The following MLKL variants were observed in gnomAD, a reference collection of about 807,000 sequenced individuals.
MLKL encodes mixed lineage kinase domain-like protein.
MLKL carries 55 observed loss-of-function variants against 56.5 expected under a neutral mutation model. The observed-to-expected ratio is 0.97, with a 90% confidence interval of 0.78 to 1.22. The LOEUF is 1.22. MLKL is among the 50% of genes most tolerant of loss of function. The pLI is 0.00. For synonymous variants in MLKL, 251 were observed against 208.3 expected (o/e 1.20, Z -1.76); for missense variants, 694 against 573.9 (o/e 1.21, Z -2.14).
At position 74,696,558 on chromosome 16, in the gene MLKL, A is replaced by G. The variant is rs145721888; in HGVS notation, c.-2-799T>C. 2.4e-3 allele frequency among the ~76,000 whole-genome samples: 370 copies of G among 152,134 alleles called. 1 individual carries two copies. The highest frequency in any genetic ancestry group is 8.3e-3 in the African/African-American group (346 of 41,488). On this transcript the variant is annotated intron_variant, in intron 1 of 10. Transcript: ENST00000308807. Reference sequence around the variant, plus strand: ...TCCCAGCACTTTGAGAGGAAGAGACAGGAGGATTGCTTGAGGCCAGGAGTT... The same window carrying G: ...TCCCAGCACTTTGAGAGGAAGAGACGGGAGGATTGCTTGAGGCCAGGAGTT...
chr16:74,691,398 G>T lies in MLKL; in HGVS notation c.601C>A (p.Leu201Ile), dbSNP rs371470408. ...AGCAGAATCCACGGGGATCCTGAAA[G>T]CTGCTCCTTCTTGATCTCCTTGATT... ...EQIKEIKKEQ[L>I]SGSPWILLRE... Residue 201 changes from leucine to isoleucine, a missense_variant, in exon 4 of 11, where the codon CTT becomes ATT. Coordinates refer to ENST00000308807, the MANE Select transcript of MLKL (RefSeq NM_152649.4). 1.2e-6 allele frequency: 2 copies of T among 1,614,116 alleles called. No individual in the cohort carries two copies. The highest frequency in any genetic ancestry group is 1.7e-6 in the Non-Finnish European group (2 of 1,180,016).
intron 5 of MLKL, 129 bp from the exon 6 acceptor site, chr16:74,682,915 C>A (rs1388161656): frequency 2.7e-6 from 3 of 1,127,800 alleles, no homozygotes; most frequent in Admixed American, 5.1e-5. Flanking sequence ...TCCCCCAATC[C>A]TCAGCCCACA....
Position 74,672,286 on chromosome 16 carries a change from C to T in MLKL, c.*218G>A, listed in dbSNP as rs1481569313. 1.0e-5 allele frequency: 5 copies of T among 479,306 alleles called. No individual in the cohort carries two copies. The highest frequency in any genetic ancestry group is 1.5e-5 in the Non-Finnish European group (4 of 266,052). 29.7% of individuals were successfully genotyped at this position (479,306 alleles called of 1,614,324 possible). A position where few individuals can be genotyped will look rare whatever the true frequency, so the allele number is the denominator to read the frequency against. Reference sequence around the variant, plus strand: ...CAGAAAGATACATTTGACAAACCATCTATCAAAGTTACTGTCAGAGGTATG... The same window carrying T: ...CAGAAAGATACATTTGACAAACCATTTATCAAAGTTACTGTCAGAGGTATG... On this transcript the variant is annotated 3_prime_UTR_variant, in exon 11 of 11. Transcript: ENST00000308807.
In MLKL at chr16:74,672,429, TGAGA is replaced by T; in HGVS notation, c.*71_*74del. On this transcript the variant is annotated 3_prime_UTR_variant, in exon 11 of 11. Coordinates refer to ENST00000308807, the MANE Select transcript of MLKL (RefSeq NM_152649.4). ...ATAGATAACCCAATGCCGAAGGATA[TGAGA>T]GAGAGAGATGTCCAGTTTGTGCCTC... is the stretch of plus-strand genomic sequence containing the variant. 3.7e-6 allele frequency: 5 copies of T among 1,365,512 alleles called. No individual in the cohort carries two copies. Among genetic ancestry groups the T allele is most frequent in the South Asian group, 3.6e-5 (3 of 84,470 alleles). The allele number at this position is 1,365,512 out of a possible 1,614,324, so 84.6% of individuals were successfully genotyped here.
chr16:74,698,990 G>A (rs372630194), intron 1 of MLKL, among the ~76,000 whole-genome samples: 84 of 152,156 alleles, frequency 5.5e-4, no homozygotes, highest in African/African-American at 1.9e-3. Context: ...GCAGGCGCCT[G>A]TAATCCCAGC....
intron 2 of MLKL, among the ~76,000 whole-genome samples, chr16:74,694,828 A>G (rs1386467299): frequency 1.3e-5 from 2 of 151,866 alleles, no homozygotes; most frequent in Non-Finnish European, 2.9e-5. Flanking sequence ...AGCCCCCACC[A>G]TATATCTGGG....
In MLKL at chr16:74,676,546, T is replaced by C. The variant is rs1959606448; in HGVS notation, c.1039-782A>G. On this transcript the variant is annotated intron_variant, in intron 7 of 10. Transcript: ENST00000308807. ...TGACATTCTCTTACATCTAGCGCCG[T>C]ATGGGATACCAGGGATGAAAGGTGG... is the stretch of plus-strand genomic sequence containing the variant. 4.6e-6 allele frequency: 4 copies of C among 871,674 alleles called. No homozygotes were observed. The African/African-American group carries it at 5.5e-5, about 12-fold the overall frequency. The allele number at this position is 871,674 out of a possible 1,614,324, so 54.0% of individuals were successfully genotyped here. A position where few individuals can be genotyped will look rare whatever the true frequency, so the allele number is the denominator to read the frequency against.
chr16:74,681,878 G>A (rs974810885), intron 6 of MLKL, among the ~76,000 whole-genome samples: 6 of 152,032 alleles, frequency 3.9e-5, no homozygotes, highest in African/African-American at 7.3e-5. Context: ...ATAGATTCAC[G>A]TACACGCATA....
chr16:74,688,064 T>C (rs749281772), intron 4 of MLKL, among the ~76,000 whole-genome samples: 6 of 152,316 alleles, frequency 3.9e-5, no homozygotes, highest in South Asian at 2.1e-4. Context: ...GACCTGGTGA[T>C]CTGCCCGCCC....
At chr16:74,681,529 C>T (rs558156832) in intron 6 of MLKL, among the ~76,000 whole-genome samples, 1 of 151,886 alleles carries the variant, frequency 6.6e-6, no homozygotes, top group Admixed American at 6.6e-5. Context: ...CGCGGTGGCT[C>T]ACACTTGTAA....
At chr16:74,698,351 C>T (rs897650730) in intron 1 of MLKL, among the ~76,000 whole-genome samples, 1 of 151,992 alleles carries the variant, frequency 6.6e-6, no homozygotes, top group African/African-American at 2.4e-5. Context: ...AAATAATTGG[C>T]CTGGAGCCCA....
At position 74,695,321 on chromosome 16, in the gene MLKL, C is replaced by T. The variant is rs34515646; in HGVS notation, c.437G>A (p.Arg146Gln). The change falls in exon 2 of 11, where the codon CGA becomes CAA. Residue 146 changes from arginine (R) to glutamine (Q), a missense_variant. Physicochemically the swap from Arg to Gln is conservative, Grantham distance 43. Coordinates refer to ENST00000308807, the MANE Select transcript of MLKL (RefSeq NM_152649.4). Reference protein sequence around the residue: ...EDQQDADEDRRAFQMLRRDNE... With the variant: ...EDQQDADEDRQAFQMLRRDNE... ...GCCTCTTCTTAGCATCTGGAAAGCTCGCCTGTCTTCGTCTGCATCCTGCTG... is the reference window on the plus strand; with the variant it reads ...GCCTCTTCTTAGCATCTGGAAAGCTTGCCTGTCTTCGTCTGCATCCTGCTG... 34,913 of 1,613,886 alleles carry T rather than the reference C, an allele frequency of 0.022. 496 individuals are homozygous for T. The highest frequency in any genetic ancestry group is 0.026 in the Non-Finnish European group (31,058 of 1,179,912).
intron 4 of MLKL, 122 bp downstream of exon 4, chr16:74,691,155 C>T (rs1403686234): frequency 1.2e-6 from 1 of 817,374 alleles, no homozygotes; most frequent in African/African-American, 1.7e-5. Context: ...CAGTGGAGAG[C>T]ACATAATTTA....
chr16:74,687,913 C>A (rs1242387598), intron 4 of MLKL, among the ~76,000 whole-genome samples: 1 of 151,934 alleles, frequency 6.6e-6, no homozygotes, highest in South Asian at 2.1e-4. Context: ...GCAAGCTCTG[C>A]CTCTCAGGTT....
At chr16:74,691,934 G>T (rs576980961) in intron 3 of MLKL, among the ~76,000 whole-genome samples, 4 of 152,182 alleles carry the variant, frequency 2.6e-5, no homozygotes, top group African/African-American at 9.7e-5. Flanking sequence ...CTCCTGGAAG[G>T]CAGTGTCCTT....
At position 74,692,410 on chromosome 16, in the gene MLKL, T is replaced by C. The variant is rs144118564; in HGVS notation, c.467A>G (p.Glu156Gly). Residue 156 changes from glutamate to glycine, a missense_variant, in exon 3 of 11, where the codon GAA (glutamate) becomes GGA (glycine). Coordinates refer to ENST00000308807, the MANE Select transcript of MLKL (RefSeq NM_152649.4). Reference sequence around the variant, plus strand: ...TCGTCTCAGTGAAGCTTCTATTTTTTCATTATCTGCAGGAAAAAAGGGCAG... The same window carrying C: ...TCGTCTCAGTGAAGCTTCTATTTTTCCATTATCTGCAGGAAAAAAGGGCAG... ...RAFQMLRRDN[E>G]KIEASLRRLE... 21 of 1,612,910 alleles carry C rather than the reference T, an allele frequency of 1.3e-5. No homozygotes were observed. The highest frequency in any genetic ancestry group is 1.7e-5 in the Non-Finnish European group (20 of 1,179,696).
rs776138164 is a variant in MLKL, at chr16:74,679,064, G to C, written c.957-84C>G. 3.3e-4 allele frequency: 362 copies of C among 1,086,778 alleles called. 1 individual carries two copies. The highest frequency in any genetic ancestry group is 4.5e-4 in the Non-Finnish European group (319 of 710,070). The allele number at this position is 1,086,778 out of a possible 1,614,324, so 67.3% of individuals were successfully genotyped here. ...TGACAATCATAACTGGGCTGATGAG[G>C]CTGGACAGTACCATGGGTGCCTGTC... On this transcript the variant is annotated intron_variant, in intron 6 of 10. Coordinates refer to ENST00000308807, the MANE Select transcript of MLKL (RefSeq NM_152649.4).
At chr16:74,691,492 C>G in intron 3 of MLKL, 29 bp from the exon 4 acceptor site, 1 of 1,595,842 alleles carries the variant, frequency 6.3e-7, no homozygotes, top group Non-Finnish European at 8.5e-7. Flanking sequence ...GGAAAGAAGA[C>G]AAAAGAGTCA....
rs1003222382 is a variant in MLKL, at chr16:74,672,395, C to G, written c.*109G>C. ...TTGTAACAGAGAAGCGTGCCCACTC[C>G]TTGCACCCATAGATAACCCAATGCC... On this transcript the variant is annotated 3_prime_UTR_variant, in exon 11 of 11. Transcript: ENST00000308807. 1 of 1,005,712 alleles carries G rather than the reference C, an allele frequency of 9.9e-7. No individual in the cohort carries two copies. Among genetic ancestry groups the G allele is most frequent in the East Asian group, 2.4e-5 (1 of 41,910 alleles). 62.3% of individuals were successfully genotyped at this position (1,005,712 alleles called of 1,614,324 possible).
Sources: gnomAD v4.1 joint callset for allele counts (sites outside exome capture counted in the v4.1 genomes callset) on GRCh38, gnomAD v4.1.1 for gene constraint, MANE v1.5 for transcripts, NCBI Gene and HGNC (gene_info 2026-07-23, HGNC 2026-07-21) for gene names.